RBFOX1: variants seen among roughly 807,000 people sequenced by gnomAD.
RBFOX1 encodes the protein RNA binding protein fox-1 homolog 1.
A neutral mutation model predicts 57.7 loss-of-function variants in RBFOX1; 8 were observed. The observed-to-expected ratio is 0.14, with a 90% CI of 0.08 to 0.25. The LOEUF (loss-of-function observed/expected upper bound fraction) is 0.25. RBFOX1 is among the 10% of genes least tolerant of loss of function. RBFOX1 has a pLI of 1.00. For missense variants in RBFOX1, 611 were observed against 548.5 expected, an observed-to-expected ratio of 1.11 and a Z score of -1.14; for synonymous variants, 326 against 222.4, an observed-to-expected ratio of 1.47 and a Z score of -4.15.
In RBFOX1 at chr16:7,710,756, C is replaced by T. The variant is rs546044207; in HGVS notation, c.*11C>T. 93 of 1,547,072 alleles carry T rather than the reference C, an allele frequency of 6.0e-5. No individual in the cohort carries two copies. The highest frequency in any genetic ancestry group is 4.5e-4 in the East Asian group (19 of 42,306). ...TTTGCTCCATACTAAATGACAAAAC[C>T]ATAAAAACCTTCCAATGTGGGGAGA... On this transcript the variant is annotated 3_prime_UTR_variant, in exon 16 of 16. Coordinates refer to ENST00000550418, the MANE Select transcript of RBFOX1 (RefSeq NM_018723.4).
intron 1 of RBFOX1, among the ~76,000 whole-genome samples, chr16:5,374,628 A>G (rs563078274): frequency 1.3e-5 from 2 of 152,026 alleles, no homozygotes; most frequent in African/African-American, 4.8e-5. Flanking sequence ...GACTTAATCC[A>G]TTAGAGAGAG....
At chr16:7,076,984 G>C in intron 4 of RBFOX1, among the ~76,000 whole-genome samples, 1 of 152,162 alleles carries the variant, frequency 6.6e-6, no homozygotes. Context: ...AGTGTTATTG[G>C]GTGTACGCGA....
chr16:7,406,254 T>C (rs187188445), intron 4 of RBFOX1, among the ~76,000 whole-genome samples: 2 of 152,308 alleles, frequency 1.3e-5, no homozygotes, highest in East Asian at 3.9e-4. Flanking sequence ...AGTTGCCATA[T>C]GCCATGGGCC....
intron 3 of RBFOX1, among the ~76,000 whole-genome samples, chr16:6,876,631 T>C (rs1437981991): frequency 6.6e-6 from 1 of 152,182 alleles, no homozygotes; most frequent in Non-Finnish European, 1.5e-5. Context: ...TGTATCTATT[T>C]TTTTTTTCTA....
chr16:7,542,531 G>C (rs1191342374), intron 5 of RBFOX1, among the ~76,000 whole-genome samples: 2 of 151,838 alleles, frequency 1.3e-5, no homozygotes, highest in Non-Finnish European at 2.9e-5. Flanking sequence ...GCGAAGGAAG[G>C]GGAAAGAGAA....
chr16:7,692,858 A>G (rs917674048), intron 14 of RBFOX1, among the ~76,000 whole-genome samples: 2 of 151,344 alleles, frequency 1.3e-5, no homozygotes, highest in African/African-American at 4.9e-5. Flanking sequence ...ACCATATAAA[A>G]TTGTCTTCTG....
chr16:5,249,280 G>C (rs1183136439), intron 1 of RBFOX1, among the ~76,000 whole-genome samples: 2 of 152,114 alleles, frequency 1.3e-5, no homozygotes, highest in African/African-American at 4.8e-5. Context: ...GGTTTCCTTG[G>C]CTTCGTGTCC....
At chr16:5,475,221 T>C (rs552306369) in intron 2 of RBFOX1, among the ~76,000 whole-genome samples, 1 of 152,370 alleles carries the variant, frequency 6.6e-6, no homozygotes, top group South Asian at 2.1e-4. Flanking sequence ...AAGACTTTTC[T>C]TGCTGCTTCA....
chr16:7,166,245 C>G (rs756493814), intron 4 of RBFOX1, among the ~76,000 whole-genome samples: 2 of 148,240 alleles, frequency 1.3e-5, no homozygotes, highest in African/African-American at 2.4e-5. Flanking sequence ...AATTCCTATC[C>G]TCAAGTGATC....
At chr16:6,054,857 AC>A (rs1460227561) in intron 1 of RBFOX1, among the ~76,000 whole-genome samples, 2 of 152,052 alleles carry the variant, frequency 1.3e-5, no homozygotes, top group African/African-American at 4.8e-5. Context: ...ATCTTGGTTC[AC>A]TGCAACCTCT....
chr16:5,436,460 A>G (rs2067921215), intron 1 of RBFOX1, among the ~76,000 whole-genome samples: 1 of 152,180 alleles, frequency 6.6e-6, no homozygotes, highest in Non-Finnish European at 1.5e-5. Context: ...CCACATTACT[A>G]AGAAGTACTT....
chr16:6,627,987 A>G (rs1286442327), intron 2 of RBFOX1, among the ~76,000 whole-genome samples: 2 of 152,190 alleles, frequency 1.3e-5, no homozygotes, highest in African/African-American at 2.4e-5. Context: ...AGCCATAACC[A>G]TGTGATTGTT....
At chr16:7,517,175 G>GTGTT (rs2076550573) in intron 4 of RBFOX1, among the ~76,000 whole-genome samples, 1 of 150,844 alleles carries the variant, frequency 6.6e-6, no homozygotes, top group African/African-American at 2.4e-5. Context: ...GTGTGTGTGT[G>GTGTT]TGTGTGTGTG....
intron 3 of RBFOX1, among the ~76,000 whole-genome samples, chr16:6,843,953 G>T (rs558976762): frequency 6.6e-6 from 1 of 152,088 alleles, no homozygotes; most frequent in Non-Finnish European, 1.5e-5. Flanking sequence ...AAATCACAAG[G>T]CTTGCTTGGA....
chr16:6,661,292 G>A lies in RBFOX1; in HGVS notation c.-16+6642G>A, dbSNP rs1045525682. Among the ~76,000 whole-genome samples, 7 of 152,290 alleles carry A rather than the reference G, an allele frequency of 4.6e-5. No individual in the cohort carries two copies. In the South Asian group the frequency reaches 6.2e-4, roughly 14 times the overall value. Reference sequence around the variant, plus strand: ...AAGAGCTCCCATGTGCCTAATTCCAGGCTCTGTCGGTCTATGAAAGGCCCT... The same window carrying A: ...AAGAGCTCCCATGTGCCTAATTCCAAGCTCTGTCGGTCTATGAAAGGCCCT... On this transcript the variant is annotated intron_variant, in intron 3 of 15. Coordinates refer to ENST00000550418, the MANE Select transcript of RBFOX1 (RefSeq NM_018723.4).
intron 1 of RBFOX1, among the ~76,000 whole-genome samples, chr16:6,222,453 CT>C (rs2097380965): frequency 6.6e-6 from 1 of 151,786 alleles, no homozygotes; most frequent in South Asian, 2.1e-4. Context: ...GAAGTGATAA[CT>C]GGAGCTGTGA....
intron 1 of RBFOX1, among the ~76,000 whole-genome samples, chr16:6,153,229 C>G (rs973360320): frequency 1.3e-5 from 2 of 152,020 alleles, no homozygotes; most frequent in African/African-American, 4.8e-5. Flanking sequence ...AGAATTAAAA[C>G]TATGCAGCAT....
At chr16:7,323,641 G>C (rs760915934) in intron 4 of RBFOX1, among the ~76,000 whole-genome samples, 1 of 152,194 alleles carries the variant, frequency 6.6e-6, no homozygotes, top group East Asian at 1.9e-4. Context: ...CAGTGTTCTT[G>C]TTACTAATGT....
At chr16:6,193,517 A>C (rs963616983) in intron 1 of RBFOX1, among the ~76,000 whole-genome samples, 13 of 149,010 alleles carry the variant, frequency 8.7e-5, no homozygotes, top group African/African-American at 3.2e-4. Context: ...ACCTAGAGCA[A>C]GTCACATAAC....
Sources: allele counts gnomAD v4.1 joint callset (sites outside exome capture counted in the v4.1 genomes callset), GRCh38; gene constraint gnomAD v4.1.1; transcripts MANE v1.5; gene names NCBI Gene and HGNC (gene_info 2026-07-23, HGNC 2026-07-21).